GABRB1: variants seen among roughly 807,000 people sequenced by gnomAD.
GABRB1 encodes the protein gamma-aminobutyric acid type A receptor subunit beta1.
In GABRB1, 17 loss-of-function variants were observed where a neutral mutation model predicts 51.6. That is an observed-to-expected ratio of 0.33 (90% confidence interval 0.23 to 0.49). GABRB1 has a LOEUF of 0.49. Ranked by LOEUF, GABRB1 falls within the 20% of genes least tolerant of loss-of-function variation. The pLI is 0.99. For synonymous variants in GABRB1, 247 were observed against 218.9 expected (o/e 1.13, Z -1.14); for missense variants, 410 against 600.6 (o/e 0.68, Z 3.32).
intron 4 of GABRB1, among the ~76,000 whole-genome samples, chr4:47,248,107 C>T (rs768440680): frequency 3.3e-5 from 5 of 152,024 alleles, no homozygotes; most frequent in Non-Finnish European, 7.4e-5. Flanking sequence ...AGAGGGAATA[C>T]TTTCAATTTT....
chr4:47,317,867 C>A (rs756469394), intron 4 of GABRB1, among the ~76,000 whole-genome samples: 1 of 151,790 alleles, frequency 6.6e-6, no homozygotes, highest in Non-Finnish European at 1.5e-5. Context: ...TATTCACATA[C>A]GGTGAATCAT....
rs547563432 is a variant in GABRB1 at position 47,225,931 on chromosome 4, G to C, written c.461+64462G>C. ...AAGCATTTTATTTTCTTTAAATAGG[G>C]TTAAATCTAACTTCAACCCCCCACC... On this transcript the variant is annotated intron_variant, in intron 4 of 8. Coordinates refer to ENST00000295454, the MANE Select transcript of GABRB1 (RefSeq NM_000812.4). Among the ~76,000 whole-genome samples the C allele has an allele frequency of 2.4e-4, 36 of 152,206 alleles. 1 individual carries two copies. The South Asian group carries it at 7.0e-3, about 30-fold the overall frequency.
At chr4:47,069,422 G>A (rs892808990) in intron 3 of GABRB1, among the ~76,000 whole-genome samples, 1 of 152,038 alleles carries the variant, frequency 6.6e-6, no homozygotes, top group Admixed American at 6.6e-5. Flanking sequence ...TTTTGCCAGA[G>A]TTTCATTAAA....
rs1028748787 is a variant in GABRB1, at chr4:47,258,327, G to A, written c.462-61800G>A. On this transcript the variant is annotated intron_variant, in intron 4 of 8. Transcript: ENST00000295454. ...AAGATAATGGTTACATATACTCTTA[G>A]GAGTTTTCCCAACAATATAACAAAC... Among the ~76,000 whole-genome samples the A allele has an allele frequency of 1.1e-4, 17 of 152,190 alleles. 2 individuals are homozygous for A. Among genetic ancestry groups the A allele is most frequent in the Admixed American group, 7.2e-4 (11 of 15,272 alleles).
At chr4:47,338,826 C>A (rs765241798) in intron 5 of GABRB1, among the ~76,000 whole-genome samples, 6 of 152,172 alleles carry the variant, frequency 3.9e-5, no homozygotes, top group Non-Finnish European at 7.3e-5. Flanking sequence ...TTGCACTGAA[C>A]AACTCTACCT....
chr4:47,321,949 A>T (rs1374024844), intron 5 of GABRB1, among the ~76,000 whole-genome samples: 1 of 152,132 alleles, frequency 6.6e-6, no homozygotes, highest in Non-Finnish European at 1.5e-5. Context: ...CTTTCTCCCA[A>T]AATGCATATT....
chr4:47,397,426 A>G (rs1439340514), intron 5 of GABRB1, among the ~76,000 whole-genome samples: 1 of 152,052 alleles, frequency 6.6e-6, no homozygotes, highest in Non-Finnish European at 1.5e-5. Context: ...AAATTTTCCT[A>G]TGTATTTGGC....
rs1008648706 is a variant in GABRB1 at position 47,410,991 on chromosome 4, C to A, written c.1080+4065C>A. 1.1e-4 allele frequency among the ~76,000 whole-genome samples: 16 copies of A among 152,176 alleles called. 1 individual carries two copies. The highest frequency in any genetic ancestry group is 3.6e-4 in the African/African-American group (15 of 41,446). On this transcript the variant is annotated intron_variant, in intron 8 of 8. Coordinates refer to ENST00000295454, the MANE Select transcript of GABRB1 (RefSeq NM_000812.4). ...TCATATAACTGCCTACCAAACCAAA[C>A]TCAACATTCTTTGGGGAAGATAGCA...
intron 8 of GABRB1, among the ~76,000 whole-genome samples, chr4:47,415,716 C>T (rs558963389): frequency 1.3e-5 from 2 of 152,314 alleles, no homozygotes; most frequent in East Asian, 1.9e-4. Context: ...TCCACCACAA[C>T]CTACTATGAC....
chr4:47,417,624 G>A lies in GABRB1; in HGVS notation c.1081-8050G>A, dbSNP rs189449433. Reference sequence around the variant, plus strand: ...TCTCTACAAGGGAAGGCAGCCATTCGCACTAGTTGGCTTCATTAAGTAGAG... The same window carrying A: ...TCTCTACAAGGGAAGGCAGCCATTCACACTAGTTGGCTTCATTAAGTAGAG... On this transcript the variant is annotated intron_variant, in intron 8 of 8. Transcript: ENST00000295454. 1.0e-3 allele frequency among the ~76,000 whole-genome samples: 156 copies of A among 152,290 alleles called. 2 individuals are homozygous for A. Among genetic ancestry groups the A allele is most frequent in the African/African-American group, 3.4e-3 (142 of 41,566 alleles).
intron 4 of GABRB1, among the ~76,000 whole-genome samples, chr4:47,185,120 A>G (rs372511421): frequency 6.6e-6 from 1 of 151,846 alleles, no homozygotes; most frequent in Non-Finnish European, 1.5e-5. Flanking sequence ...TGCATCTGAC[A>G]TTCAGAAAAA....
chr4:47,044,951 G>T (rs1007540309), intron 3 of GABRB1, among the ~76,000 whole-genome samples: 2 of 151,906 alleles, frequency 1.3e-5, no homozygotes, highest in African/African-American at 4.8e-5. Context: ...AATTTCAATT[G>T]GTATATGGTC....
At chr4:47,188,092 A>G (rs1394617344) in intron 4 of GABRB1, among the ~76,000 whole-genome samples, 2 of 152,030 alleles carry the variant, frequency 1.3e-5, no homozygotes, top group Non-Finnish European at 2.9e-5. Context: ...ATGAGTACAT[A>G]AAATTTGTTG....
chr4:47,291,663 C>T (rs765635806), intron 4 of GABRB1, among the ~76,000 whole-genome samples: 1 of 152,174 alleles, frequency 6.6e-6, no homozygotes, highest in Admixed American at 6.5e-5. Flanking sequence ...CTTTCATCAG[C>T]GTGACCTGGA....
At chr4:47,410,795 G>A (rs1560374556) in intron 8 of GABRB1, among the ~76,000 whole-genome samples, 1 of 152,108 alleles carries the variant, frequency 6.6e-6, no homozygotes, top group Non-Finnish European at 1.5e-5. Flanking sequence ...GGGAGTGTGG[G>A]GGTGGTAAGC....
At chr4:47,264,209 A>G (rs911124251) in intron 4 of GABRB1, among the ~76,000 whole-genome samples, 1 of 152,180 alleles carries the variant, frequency 6.6e-6, no homozygotes, top group South Asian at 2.1e-4. Context: ...AACAGAGTAG[A>G]TAGAAAGACT....
chr4:47,091,315 C>T (rs2109586328), intron 3 of GABRB1, among the ~76,000 whole-genome samples: 1 of 152,098 alleles, frequency 6.6e-6, no homozygotes, highest in South Asian at 2.1e-4. Flanking sequence ...CTTTTAACTT[C>T]TCTTAAATTT....
chr4:47,109,516 A>G (rs981322524), intron 3 of GABRB1, among the ~76,000 whole-genome samples: 5 of 152,124 alleles, frequency 3.3e-5, no homozygotes, highest in African/African-American at 1.2e-4. Flanking sequence ...GGTTGCAGGT[A>G]GACTTGAAAG....
chr4:47,032,148 A>ACACG (rs1352608264), intron 2 of GABRB1, 143 bp downstream of exon 2: 1 of 682,444 alleles, frequency 1.5e-6, no homozygotes, highest in Non-Finnish European at 2.5e-6. Flanking sequence ...ACACACACAC[A>ACACG]CACACACACA....
Sources: allele counts gnomAD v4.1 joint callset (sites outside exome capture counted in the v4.1 genomes callset), GRCh38; gene constraint gnomAD v4.1.1; transcripts MANE v1.5; gene names NCBI Gene and HGNC (gene_info 2026-07-23, HGNC 2026-07-21).